The following ADGRL3 variants were observed in gnomAD, a reference collection of about 807,000 sequenced individuals.
The protein encoded by ADGRL3 is calcium-independent alpha-latrotoxin receptor 3.
In ADGRL3, 62 loss-of-function variants were observed where a neutral mutation model predicts 153.5. The observed-to-expected ratio is 0.40, with a 90% CI of 0.33 to 0.50. The LOEUF is 0.50. Ranked by LOEUF, ADGRL3 falls within the 20% of genes least tolerant of loss-of-function variation. The pLI, the probability that ADGRL3 is intolerant of heterozygous loss-of-function variation, is 0.47. For synonymous variants in ADGRL3, 710 were observed against 672.5 expected, an observed-to-expected ratio of 1.06 and a Z score of -0.86; for missense variants, 1,641 against 1,859.4, an observed-to-expected ratio of 0.88 and a Z score of 2.16.
At chr4:61,814,824 G>A (rs2097670182) in intron 9 of ADGRL3, among the ~76,000 whole-genome samples, 2 of 152,024 alleles carry the variant, frequency 1.3e-5, no homozygotes, top group Non-Finnish European at 2.9e-5. Flanking sequence ...GTGATAGGGT[G>A]GACCTATGTG....
At chr4:61,612,676 G>A (rs552295173) in intron 5 of ADGRL3, among the ~76,000 whole-genome samples, 3 of 152,128 alleles carry the variant, frequency 2.0e-5, no homozygotes, top group Non-Finnish European at 4.4e-5. Context: ...GGAAAATGAA[G>A]TATGTTGCTA....
chr4:61,422,548 A>T (rs1704898685), intron 2 of ADGRL3, among the ~76,000 whole-genome samples: 2 of 152,098 alleles, frequency 1.3e-5, no homozygotes, highest in Admixed American at 1.3e-4. Context: ...TGTTTCTAAG[A>T]TTTTTTCTGT....
At chr4:61,830,467 C>T (rs924455037) in intron 9 of ADGRL3, among the ~76,000 whole-genome samples, 6 of 152,134 alleles carry the variant, frequency 3.9e-5, no homozygotes, top group African/African-American at 1.4e-4. Context: ...AACAACATGC[C>T]ATCAGAACTC....
chr4:62,063,692 T>A lies in ADGRL3; in HGVS notation c.3815-4474T>A, dbSNP rs1336534549. 15 of 589,276 alleles carry A rather than the reference T, an allele frequency of 2.5e-5. No individual in the cohort carries two copies. The African/African-American group carries it at 2.6e-4, about 10-fold the overall frequency. The allele number at this position is 589,276 out of a possible 1,614,324, so 36.5% of individuals were successfully genotyped here. ...AGAGTCCCATTTTATGTAGGTTTTA[T>A]GGGCAAATTCTATTTTTCTTTCTCC... On this transcript the variant is annotated intron_variant, in intron 25 of 26. Transcript: ENST00000683033.
intron 1 of ADGRL3, among the ~76,000 whole-genome samples, chr4:61,353,446 C>G (rs929783640): frequency 6.6e-6 from 1 of 151,892 alleles, no homozygotes; most frequent in East Asian, 1.9e-4. Context: ...TTTAGTTATT[C>G]AGAGCTTTGT....
chr4:61,504,127 G>A (rs1361510921), intron 3 of ADGRL3, among the ~76,000 whole-genome samples: 2 of 152,092 alleles, frequency 1.3e-5, no homozygotes, highest in Non-Finnish European at 1.5e-5. Flanking sequence ...CAAGTGGCTA[G>A]GACCACAGGC....
chr4:62,009,869 C>T (rs2099175797), intron 21 of ADGRL3, among the ~76,000 whole-genome samples: 1 of 152,094 alleles, frequency 6.6e-6, no homozygotes, highest in African/African-American at 2.4e-5. Flanking sequence ...TTCAGGAGTC[C>T]CCATGACCAT....
chr4:61,371,433 C>CA (rs2096527180), intron 1 of ADGRL3, among the ~76,000 whole-genome samples: 1 of 151,860 alleles, frequency 6.6e-6, no homozygotes, highest in African/African-American at 2.4e-5. Flanking sequence ...CTGGTGGTGA[C>CA]AAAATCTCTC....
chr4:61,248,353 GTAT>G (rs1757898258), intron 1 of ADGRL3, among the ~76,000 whole-genome samples: 1 of 152,050 alleles, frequency 6.6e-6, no homozygotes, highest in African/African-American at 2.4e-5. Flanking sequence ...TTCTTTCCAA[GTAT>G]TGAGTCTGAT....
In ADGRL3 at chr4:61,274,049, A is replaced by G. The variant is rs1392257647; in HGVS notation, c.-240+72284A>G. On this transcript the variant is annotated intron_variant, in intron 1 of 26. Transcript: ENST00000683033. ...TATCTTTCTATTAAAAGGTGAATCC[A>G]TATACAACATAATAAATGAGCAAAG... is the stretch of plus-strand genomic sequence containing the variant. 3.9e-5 allele frequency among the ~76,000 whole-genome samples: 6 copies of G among 152,334 alleles called. No homozygotes were observed. The South Asian group carries it at 6.2e-4, about 16-fold the overall frequency.
At chr4:61,893,828 C>A (rs553602819) in intron 10 of ADGRL3, among the ~76,000 whole-genome samples, 37 of 151,630 alleles carry the variant, frequency 2.4e-4, no homozygotes, top group Admixed American at 1.8e-3. Context: ...CTGCCTCAGC[C>A]TCCTGAGTAG....
At chr4:61,682,273 T>C (rs1216520327) in intron 6 of ADGRL3, among the ~76,000 whole-genome samples, 1 of 151,954 alleles carries the variant, frequency 6.6e-6, no homozygotes, top group Non-Finnish European at 1.5e-5. Flanking sequence ...GCTATATAAA[T>C]TTTTTAGAAT....
intron 9 of ADGRL3, among the ~76,000 whole-genome samples, chr4:61,855,141 T>G (rs116170449): frequency 6.6e-6 from 1 of 152,326 alleles, no homozygotes; most frequent in South Asian, 2.1e-4. Context: ...TAGTTAATGA[T>G]AACTTACGAG....
At chr4:61,814,591 T>C (rs1282917245) in intron 9 of ADGRL3, among the ~76,000 whole-genome samples, 1 of 152,180 alleles carries the variant, frequency 6.6e-6, no homozygotes, top group East Asian at 1.9e-4. Flanking sequence ...CAAGGTTAAC[T>C]TTTTGGTTTT....
chr4:61,738,572 G>A (rs969533920), intron 8 of ADGRL3, among the ~76,000 whole-genome samples: 6 of 152,028 alleles, frequency 3.9e-5, no homozygotes, highest in Non-Finnish European at 2.9e-5. Context: ...TAACCTTGGA[G>A]GAAAGACATG....
At chr4:61,645,905 C>T (rs80231732) in intron 5 of ADGRL3, among the ~76,000 whole-genome samples, 1 of 152,286 alleles carries the variant, frequency 6.6e-6, no homozygotes, top group Non-Finnish European at 1.5e-5. Flanking sequence ...CCATTCTCCC[C>T]ATCACTTTCA....
intron 2 of ADGRL3, among the ~76,000 whole-genome samples, chr4:61,407,239 A>AT (rs1471466381): frequency 6.6e-6 from 1 of 152,110 alleles, no homozygotes; most frequent in Non-Finnish European, 1.5e-5. Flanking sequence ...TTGCAGCCGC[A>AT]TGAAAAAACT....
At chr4:61,998,295 GGTTGT>G (rs1308839340) in intron 21 of ADGRL3, 30 bp downstream of exon 21, 1 of 1,230,830 alleles carries the variant, frequency 8.1e-7, no homozygotes. Context: ...GTTTTCTATA[GGTTGT>G]GTTACATTTA....
At chr4:61,761,093 T>C (rs2096907448) in intron 8 of ADGRL3, among the ~76,000 whole-genome samples, 1 of 152,206 alleles carries the variant, frequency 6.6e-6, no homozygotes, top group South Asian at 2.1e-4. Context: ...ATCTGGGTGA[T>C]GCCAGCTGGT....
Sources: gnomAD v4.1 joint callset for allele counts (sites outside exome capture counted in the v4.1 genomes callset) on GRCh38, gnomAD v4.1.1 for gene constraint, MANE v1.5 for transcripts, NCBI Gene and HGNC (gene_info 2026-07-23, HGNC 2026-07-21) for gene names.